Variants in ETFA observed in about 807,000 individuals in gnomAD.
ETFA encodes the protein electron transfer flavoprotein subunit alpha, mitochondrial.
A neutral mutation model predicts 46.2 loss-of-function variants in ETFA; 22 were observed. The ratio of observed to expected loss-of-function variants is 0.48; its 90% CI spans 0.34 to 0.68. The LOEUF (loss-of-function observed/expected upper bound fraction) is 0.68, where lower values mean the gene tolerates loss of function less well. Ranked by LOEUF, ETFA falls within the 30% of genes least tolerant of loss-of-function variation. The pLI, the probability that ETFA is intolerant of heterozygous loss-of-function variation, is 0.01. For synonymous variants in ETFA, 131 were observed against 139.9 expected (o/e 0.94, Z 0.45); for missense variants, 345 against 401.1 (o/e 0.86, Z 1.19).
At chr15:76,301,834 C>A (rs1201917928) in intron 1 of ETFA, among the ~76,000 whole-genome samples, 1 of 152,034 alleles carries the variant, frequency 6.6e-6, no homozygotes, top group Non-Finnish European at 1.5e-5. Flanking sequence ...AAATAAAGAA[C>A]CCTTAAAAGT....
At chr15:76,278,396 C>T (rs1227316128) in intron 8 of ETFA, among the ~76,000 whole-genome samples, 1 of 152,172 alleles carries the variant, frequency 6.6e-6, no homozygotes, top group Non-Finnish European at 1.5e-5. Context: ...ATCAATCATT[C>T]TAACCATTCC....
chr15:76,249,493 G>A lies in ETFA; in HGVS notation c.817-18095C>T, dbSNP rs1179181327. 7.0e-5 allele frequency among the ~76,000 whole-genome samples: 10 copies of A among 142,464 alleles called. No individual in the cohort carries two copies. In the Admixed American group the frequency reaches 7.3e-4, roughly 10 times the overall value. 93.5% of individuals were successfully genotyped at this position (142,464 alleles called of 152,430 possible). A position where few individuals can be genotyped will look rare whatever the true frequency, so the allele number is the denominator to read the frequency against. On this transcript the variant is annotated intron_variant, in intron 9 of 11. Transcript: ENST00000557943. ...GTCTCGTTCTGTCGCCCAGGCTGGA[G>A]TGCAGTGGCGCGATCTCGGCTCACT...
chr15:76,295,847 C>T, intron 1 of ETFA, 110 bp from the exon 2 acceptor site: 1 of 680,648 alleles, frequency 1.5e-6, no homozygotes, highest in Non-Finnish European at 2.4e-6. Context: ...CTATTCTGTA[C>T]ACAATATTAT....
intron 10 of ETFA, among the ~76,000 whole-genome samples, chr15:76,228,467 C>T (rs1332014435): frequency 1.2e-4 from 18 of 151,892 alleles, no homozygotes; most frequent in South Asian, 4.2e-4. Context: ...ATTACAGTGC[C>T]TTGGGATTAC....
chr15:76,274,600 C>A, intron 8 of ETFA, 106 bp from the exon 9 acceptor site: 2 of 885,586 alleles, frequency 2.3e-6, no homozygotes, highest in Non-Finnish European at 3.7e-6. Flanking sequence ...ATTCTAAGTA[C>A]TAGTATATTT....
chr15:76,300,402 G>C (rs1006327538), intron 1 of ETFA, among the ~76,000 whole-genome samples: 8 of 152,002 alleles, frequency 5.3e-5, no homozygotes, highest in Non-Finnish European at 1.2e-4. Flanking sequence ...ATCATGTCTG[G>C]GTTTTCTCTC....
chr15:76,225,967 A>G, intron 10 of ETFA, 38 bp from the exon 11 acceptor site: 1 of 1,225,558 alleles, frequency 8.2e-7, no homozygotes, highest in Non-Finnish European at 1.2e-6. Flanking sequence ...TTTTACCAAG[A>G]AAACATTTCA....
intron 1 of ETFA, among the ~76,000 whole-genome samples, chr15:76,305,060 A>G (rs912111470): frequency 3.3e-5 from 5 of 150,936 alleles, no homozygotes; most frequent in African/African-American, 1.2e-4. Flanking sequence ...AAAGAAAGAA[A>G]GAAAGAAAGA....
chr15:76,294,401 C>A (rs985803103), intron 2 of ETFA, among the ~76,000 whole-genome samples: 12 of 152,162 alleles, frequency 7.9e-5, no homozygotes. Flanking sequence ...TAAGATCCTA[C>A]AGTTGTTAGC....
chr15:76,245,331 C>G (rs1213292646), intron 9 of ETFA: 1 of 152,198 alleles, frequency 6.6e-6, no homozygotes, highest in Non-Finnish European at 1.5e-5. Context: ...TCTATACCAA[C>G]CCCAAAGGAA....
intron 8 of ETFA, among the ~76,000 whole-genome samples, chr15:76,283,320 T>G (rs890785361): frequency 1.3e-5 from 2 of 152,112 alleles, no homozygotes; most frequent in Non-Finnish European, 2.9e-5. Flanking sequence ...GCCTCCTGAG[T>G]ACCTGGGACT....
At chr15:76,264,184 T>C (rs2039447581) in intron 9 of ETFA, among the ~76,000 whole-genome samples, 1 of 152,184 alleles carries the variant, frequency 6.6e-6, no homozygotes, top group African/African-American at 2.4e-5. Context: ...TGTGAAAACT[T>C]TGTTGAAAAA....
chr15:76,259,656 C>T, intron 9 of ETFA: 1 of 949,630 alleles, frequency 1.1e-6, no homozygotes, highest in South Asian at 1.3e-5. Flanking sequence ...ACAGCCCTAA[C>T]AATAGTAGCC....
intron 8 of ETFA, among the ~76,000 whole-genome samples, chr15:76,281,733 T>C (rs1179295781): frequency 2.0e-5 from 3 of 151,910 alleles, no homozygotes; most frequent in Non-Finnish European, 2.9e-5. Flanking sequence ...GTTAAGTGTC[T>C]GTAGTAGGCA....
intron 9 of ETFA, among the ~76,000 whole-genome samples, chr15:76,263,438 G>A (rs1453619693): frequency 1.3e-5 from 2 of 152,238 alleles, no homozygotes; most frequent in African/African-American, 4.8e-5. Flanking sequence ...GAAGCTCGGT[G>A]AGGAAGCTGA....
chr15:76,302,660 T>C (rs1203268174), intron 1 of ETFA, among the ~76,000 whole-genome samples: 1 of 152,168 alleles, frequency 6.6e-6, no homozygotes, highest in Non-Finnish European at 1.5e-5. Context: ...TGAATCCTAA[T>C]GTAAACTATG....
At chr15:76,306,499 C>G (rs1330690987) in intron 1 of ETFA, among the ~76,000 whole-genome samples, 1 of 151,598 alleles carries the variant, frequency 6.6e-6, no homozygotes, top group African/African-American at 2.4e-5. Context: ...CTCCTGACCT[C>G]GTGATCCACC....
At chr15:76,260,991 C>T in intron 9 of ETFA, 5 of 1,609,688 alleles carry the variant, frequency 3.1e-6, no homozygotes, top group Non-Finnish European at 4.2e-6. Flanking sequence ...ACTAGTGTTG[C>T]CGCTGGAAAG....
In ETFA at chr15:76,231,393, A is replaced by G. The variant is rs2141463797; in HGVS notation, c.822T>C (p.Leu274=). The change falls in exon 10 of 12, where the codon CTT becomes CTC. Residue 274 remains leucine, a synonymous_variant. Coordinates refer to ENST00000557943, the MANE Select transcript of ETFA (RefSeq NM_000126.4). ...CTCCAGATATTCCAACAGCAATATA[A>G]AGTTCCTGAAATAAAAGAGGTCACA... The part of the protein sequence containing the change: ...GQTGKIVAPE[L]YIAVGISGAI... 2 of 1,592,176 alleles carry G rather than the reference A, an allele frequency of 1.3e-6. No homozygotes were observed. The highest frequency in any genetic ancestry group is 1.7e-6 in the Non-Finnish European group (2 of 1,160,258).
Sources: allele counts gnomAD v4.1 joint callset (sites outside exome capture counted in the v4.1 genomes callset), GRCh38; gene constraint gnomAD v4.1.1; transcripts MANE v1.5; gene names NCBI Gene and HGNC (gene_info 2026-07-23, HGNC 2026-07-21).